Variants in ACSM1 observed in about 807,000 individuals in gnomAD.
The protein encoded by ACSM1 is acyl-coenzyme A synthetase ACSM1, mitochondrial.
A neutral mutation model predicts 75.8 loss-of-function variants in ACSM1; 79 were observed. That is an observed-to-expected ratio of 1.04 (90% confidence interval 0.87 to 1.26). The LOEUF is 1.26. Among genes scored for constraint, ACSM1 ranks in the 50% most tolerant of loss-of-function variants. ACSM1 has a pLI of 0.00. For missense variants in ACSM1, 676 were observed against 720.1 expected (o/e 0.94, Z 0.70); for synonymous variants, 279 against 265.8 (o/e 1.05, Z -0.48).
chr16:20,683,715 C>CTCTT (rs55684501), intron 3 of ACSM1, among the ~76,000 whole-genome samples: 58,954 of 135,926 alleles, frequency 0.43, 13,109 homozygotes, highest in East Asian at 0.73. Flanking sequence ...CTCTCTCTCT[C>CTCTT]TCTTTCTTTC....
chr16:20,693,141 G>T (rs1039286705), intron 1 of ACSM1, among the ~76,000 whole-genome samples: 1 of 150,500 alleles, frequency 6.6e-6, no homozygotes, highest in Non-Finnish European at 1.5e-5. Flanking sequence ...CTGCACTGAA[G>T]CCTGGGCAAC....
At chr16:20,653,272 T>C (rs1013512507) in intron 7 of ACSM1, among the ~76,000 whole-genome samples, 2 of 152,142 alleles carry the variant, frequency 1.3e-5, no homozygotes, top group African/African-American at 2.4e-5. Context: ...TAAGAGCTAT[T>C]TATGACAAAC....
chr16:20,656,979 C>A (rs975298256), intron 7 of ACSM1, among the ~76,000 whole-genome samples: 1 of 151,628 alleles, frequency 6.6e-6, no homozygotes, highest in Non-Finnish European at 1.5e-5. Context: ...TTGCATACAT[C>A]CCAACCACAA....
intron 1 of ACSM1, among the ~76,000 whole-genome samples, chr16:20,694,684 C>T (rs893465107): frequency 1.6e-4 from 25 of 152,156 alleles, no homozygotes; most frequent in African/African-American, 6.0e-4. Flanking sequence ...TGAGGGAATC[C>T]ATTAACCAGT....
intron 4 of ACSM1, among the ~76,000 whole-genome samples, chr16:20,678,152 G>T (rs967002784): frequency 6.6e-6 from 1 of 152,066 alleles, no homozygotes; most frequent in African/African-American, 2.4e-5. Flanking sequence ...CACTCCAAAT[G>T]AAAGGGCTTG....
intron 7 of ACSM1, among the ~76,000 whole-genome samples, chr16:20,650,374 A>G (rs949203338): frequency 6.6e-6 from 1 of 152,134 alleles, no homozygotes; most frequent in African/African-American, 2.4e-5. Context: ...CTGGGTGATC[A>G]GGGGACTCGT....
Position 20,626,340 on chromosome 16 carries a change from A to AAAAAT in ACSM1, c.1428-823_1428-819dup, listed in dbSNP as rs550253121. On this transcript the variant is annotated intron_variant, in intron 11 of 13. Coordinates refer to ENST00000520010, the MANE Select transcript of ACSM1 (RefSeq NM_001318890.3). ...GTGACAGTGGGAGACTCTGTCTCAG[A>AAAAAT]AAAATAAAATAAAATAAAATAAAAT... Among the ~76,000 whole-genome samples, 262 of 152,152 alleles carry AAAAAT rather than the reference A, an allele frequency of 1.7e-3. 7 individuals are homozygous for AAAAAT. In the South Asian group the frequency reaches 0.035, roughly 20 times the overall value.
chr16:20,625,479 G>A lies in ACSM1; in HGVS notation c.1471C>T (p.His491Tyr). 1 of 1,614,132 alleles carries A rather than the reference G, an allele frequency of 6.2e-7. No individual in the cohort carries two copies. Among genetic ancestry groups the A allele is most frequent in the Non-Finnish European group, 8.5e-7 (1 of 1,180,034 alleles). ...ACGGCTGACTCCGCCACCGCTGGGT[G>A]CTCCACCAAAGCGCTTTCAACCTCT... ...PAEVESALVEHPAVAESAVVG... is the reference protein window; with the variant it reads ...PAEVESALVEYPAVAESAVVG... The change falls in exon 12 of 14, where the codon CAC becomes TAC. Residue 491 changes from histidine to tyrosine, a missense_variant. Physicochemically the swap from His to Tyr is moderately conservative, Grantham distance 83. Transcript: ENST00000520010.
intron 1 of ACSM1, among the ~76,000 whole-genome samples, chr16:20,696,151 G>A (rs74011825): frequency 6.6e-6 from 1 of 152,140 alleles, no homozygotes; most frequent in Non-Finnish European, 1.5e-5. Context: ...AGAAGACTAT[G>A]CTTTGTGGGT....
chr16:20,653,316 T>C (rs2018756600), intron 7 of ACSM1, among the ~76,000 whole-genome samples: 1 of 152,132 alleles, frequency 6.6e-6, no homozygotes, highest in Non-Finnish European at 1.5e-5. Context: ...GGGCAAAAAC[T>C]GGAAGCATTC....
intron 4 of ACSM1, chr16:20,679,499 C>A (rs916825304): frequency 3.9e-5 from 6 of 152,184 alleles, no homozygotes; most frequent in African/African-American, 1.4e-4. Flanking sequence ...TCTGTTGTTA[C>A]ATTATTACTG....
chr16:20,662,661 C>T (rs1252522753), intron 6 of ACSM1, among the ~76,000 whole-genome samples: 1 of 152,094 alleles, frequency 6.6e-6, no homozygotes, highest in Non-Finnish European at 1.5e-5. Context: ...CCATATATTC[C>T]ATTTAGAATC....
chr16:20,689,540 A>G (rs529929565), intron 2 of ACSM1, among the ~76,000 whole-genome samples: 2 of 152,200 alleles, frequency 1.3e-5, no homozygotes, highest in African/African-American at 4.8e-5. Context: ...AAAAAATCCA[A>G]CTACATGCTG....
chr16:20,625,326 T>G (rs1443913330), intron 12 of ACSM1, 97 bp downstream of exon 12: 3 of 1,217,526 alleles, frequency 2.5e-6, no homozygotes, highest in South Asian at 1.4e-5. Flanking sequence ...CACTATGCCC[T>G]TCCACCAAGG....
rs372467057 is a variant in ACSM1, at chr16:20,648,105, G to A, written c.993-7521C>T. Among the ~76,000 whole-genome samples, 58 of 152,116 alleles carry A rather than the reference G, an allele frequency of 3.8e-4. 2 individuals are homozygous for A. The highest frequency in any genetic ancestry group is 3.4e-3 in the Middle Eastern group (1 of 294). On this transcript the variant is annotated intron_variant, in intron 7 of 13. Transcript: ENST00000520010. The surrounding 1 kb of genome is among the most constrained non-coding windows in gnomAD (Gnocchi z 4.2). ...TTTTTCTCAATCCTTTGACTCTGCC[G>A]GACTTCATTACCCCCACCACCTGGT...
chr16:20,666,173 A>T (rs1246987855), intron 6 of ACSM1, among the ~76,000 whole-genome samples: 1 of 152,102 alleles, frequency 6.6e-6, no homozygotes, highest in Non-Finnish European at 1.5e-5. Context: ...ATTCAAATAG[A>T]AAAAAAGTCA....
intron 4 of ACSM1, chr16:20,676,173 A>T (rs2020265097): frequency 6.6e-6 from 1 of 152,378 alleles, no homozygotes; most frequent in Non-Finnish European, 1.5e-5. Context: ...AAAGGCTGGA[A>T]AAGTCAGGGA....
intron 1 of ACSM1, among the ~76,000 whole-genome samples, chr16:20,693,360 C>G (rs564726859): frequency 6.6e-6 from 1 of 152,112 alleles, no homozygotes; most frequent in African/African-American, 2.4e-5. Flanking sequence ...GCCAACATGA[C>G]AGCAGGAACC....
Position 20,623,542 on chromosome 16 carries a change from T to C in ACSM1, c.1678A>G (p.Ile560Val), listed in dbSNP as rs2016735744. 1 of 1,614,188 alleles carries C rather than the reference T, an allele frequency of 6.2e-7. No homozygotes were observed. The highest frequency in any genetic ancestry group is 8.5e-7 in the Non-Finnish European group (1 of 1,180,024). ...VEFVSELPKT[I>V]TGKIERKELR... Reference sequence around the variant, plus strand: ...TCCTTCCGTTCAATCTTGCCAGTGATGGTTTTTGGCAGCTCTGAGACAAAC... The same window carrying C: ...TCCTTCCGTTCAATCTTGCCAGTGACGGTTTTTGGCAGCTCTGAGACAAAC... The change falls in exon 14 of 14, where the codon ATC (isoleucine) becomes GTC (valine). Residue 560 changes from isoleucine to valine, a missense_variant. Transcript: ENST00000520010.
Sources: gnomAD v4.1 joint callset for allele counts (sites outside exome capture counted in the v4.1 genomes callset) on GRCh38, gnomAD v4.1.1 for gene constraint, Gnocchi (gnomAD v3.1) non-coding constraint, MANE v1.5 for transcripts, NCBI Gene and HGNC (gene_info 2026-07-23, HGNC 2026-07-21) for gene names.